BOC: variants seen among roughly 807,000 people sequenced by gnomAD.
The protein encoded by BOC is BOC cell adhesion associated, oncogene regulated.
In BOC, 76 loss-of-function variants were observed where a neutral mutation model predicts 112.0. The observed-to-expected ratio is 0.68, with a 90% CI of 0.56 to 0.82. BOC has a LOEUF of 0.82. BOC is among the 40% of genes least tolerant of loss of function. BOC has a pLI of 0.00. For missense variants in BOC, 1,309 were observed against 1,511.7 expected, an observed-to-expected ratio of 0.87 and a Z score of 2.22; for synonymous variants, 580 against 599.8, an observed-to-expected ratio of 0.97 and a Z score of 0.48.
chr3:113,238,621 G>GA (rs1418407139), intron 2 of BOC, among the ~76,000 whole-genome samples: 7 of 152,168 alleles, frequency 4.6e-5, no homozygotes, highest in African/African-American at 1.4e-4. Context: ...ATAATTTACA[G>GA]AAAGCAGCAT....
At chr3:113,268,896 AT>A (rs1194981084) in intron 5 of BOC, among the ~76,000 whole-genome samples, 6 of 152,202 alleles carry the variant, frequency 3.9e-5, no homozygotes, top group African/African-American at 1.4e-4. Flanking sequence ...ATGCTTGGTC[AT>A]GTGTTCTTTC....
Position 113,286,771 on chromosome 3 carries a change from T to C in BOC, c.3257T>C (p.Val1086Ala). Reference sequence around the variant, plus strand: ...GGAGACTGGTGTCCCCAGCACCCCGTAGGGGCCTACGTAGGACAGGAACCT... The same window carrying C: ...GGAGACTGGTGTCCCCAGCACCCCGCAGGGGCCTACGTAGGACAGGAACCT... The part of the protein sequence containing the change: ...SGGDWCPQHP[V>A]GAYVGQEPGM... The change falls in exon 20 of 20, where the codon GTA becomes GCA. Residue 1086 changes from valine (V) to alanine (A), a missense_variant. By Grantham distance (64) the Val-to-Ala change is moderately conservative (BLOSUM62 0). Transcript: ENST00000682979. 2.5e-6 allele frequency: 4 copies of C among 1,613,822 alleles called. No individual in the cohort carries two copies. The highest frequency in any genetic ancestry group is 2.2e-5 in the East Asian group (1 of 44,844).
At chr3:113,239,017 C>T (rs1318320024) in intron 2 of BOC, among the ~76,000 whole-genome samples, 1 of 152,152 alleles carries the variant, frequency 6.6e-6, no homozygotes, top group Non-Finnish European at 1.5e-5. Context: ...AGCCACTAGC[C>T]CATGTGGCTG....
chr3:113,276,267 C>T (rs979802007), intron 9 of BOC, among the ~76,000 whole-genome samples: 6 of 152,222 alleles, frequency 3.9e-5, no homozygotes, highest in South Asian at 2.1e-4. Context: ...AAGGCCATGC[C>T]GTGGTGATCC....
intron 2 of BOC, among the ~76,000 whole-genome samples, chr3:113,223,489 C>T (rs563176910): frequency 1.6e-4 from 24 of 152,284 alleles, no homozygotes; most frequent in Admixed American, 1.0e-3. Flanking sequence ...AGGGTTCACT[C>T]TTTGTGTTGT....
chr3:113,220,629 G>A (rs533560214), intron 2 of BOC, among the ~76,000 whole-genome samples: 43 of 152,302 alleles, frequency 2.8e-4, no homozygotes, highest in African/African-American at 1.0e-3. Context: ...AGAGGTTAGA[G>A]TCTGGGGACA....
intron 4 of BOC, among the ~76,000 whole-genome samples, chr3:113,253,538 CT>C (rs35612743): frequency 4.1e-4 from 62 of 151,002 alleles, no homozygotes; most frequent in Admixed American, 4.1e-3. Context: ...TGAGATGTGG[CT>C]TTTTTGGAGA....
chr3:113,232,562 AGTGTGTGTGTGT>A (rs10696107), intron 2 of BOC, among the ~76,000 whole-genome samples: 7 of 149,330 alleles, frequency 4.7e-5, no homozygotes, highest in Non-Finnish European at 6.0e-5. Context: ...TTGCTGTGCG[AGTGTGTGTGTGT>A]GTGTGTGTGT....
At chr3:113,272,337 C>T in intron 6 of BOC, 73 bp from the exon 7 acceptor site, 1 of 1,521,736 alleles carries the variant, frequency 6.6e-7, no homozygotes, top group Non-Finnish European at 9.0e-7. Flanking sequence ...CTCTCTGGGA[C>T]TGCCTCCTGG....
chr3:113,212,472 T>A (rs1265845905), intron 1 of BOC: 4 of 152,158 alleles, frequency 2.6e-5, no homozygotes, highest in African/African-American at 9.7e-5. Context: ...ACCCGAGGCG[T>A]GGCGGCAAAT....
intron 15 of BOC, among the ~76,000 whole-genome samples, chr3:113,281,416 C>T (rs564593084): frequency 8.3e-4 from 127 of 152,330 alleles, no homozygotes; most frequent in Non-Finnish European, 1.3e-3. Context: ...AAGTTGGGAA[C>T]TTCCTATAAA....
intron 18 of BOC, 23 bp from the exon 19 acceptor site, chr3:113,285,349 C>T: frequency 6.2e-7 from 1 of 1,610,884 alleles, no homozygotes; most frequent in South Asian, 1.1e-5. Context: ...CCCCACCTCC[C>T]CATCTGGGCT....
At position 113,273,263 on chromosome 3, in the gene BOC, G is replaced by A. The variant is rs754897087; in HGVS notation, c.1156G>A (p.Glu386Lys). ...CGTGCTCAGCATGGGGCCTGAGGAC[G>A]AAGGCGTCTACCAGTGCATGGCCGA... is the stretch of plus-strand genomic sequence containing the variant. Reference protein sequence around the residue: ...LRVLSMGPEDEGVYQCMAENE... With the variant: ...LRVLSMGPEDKGVYQCMAENE... The change falls in exon 8 of 20, where the codon GAA becomes AAA. Residue 386 changes from glutamate to lysine, a missense_variant. Physicochemically the swap from Glu to Lys is moderately conservative, Grantham distance 56 (BLOSUM62 1). Coordinates refer to ENST00000682979, the MANE Select transcript of BOC (RefSeq NM_001378074.1). 23 of 1,612,894 alleles carry A rather than the reference G, an allele frequency of 1.4e-5. No individual in the cohort carries two copies. The highest frequency in any genetic ancestry group is 1.5e-5 in the Non-Finnish European group (18 of 1,179,706).
In BOC at chr3:113,249,907, C is replaced by T; in HGVS notation, c.97+8C>T. 1 of 1,608,898 alleles carries T rather than the reference C, an allele frequency of 6.2e-7. No individual in the cohort carries two copies. The highest frequency in any genetic ancestry group is 8.5e-7 in the Non-Finnish European group (1 of 1,176,052). On this transcript the variant is annotated splice_region_variant and intron_variant, in intron 3 of 19. Coordinates refer to ENST00000682979, the MANE Select transcript of BOC (RefSeq NM_001378074.1). ...GCTGCTTTGCTGACTTGAGTGAGTGCTTTCCTTCCCTTTCCCTGCCCTTAC... is the reference window on the plus strand; with the variant it reads ...GCTGCTTTGCTGACTTGAGTGAGTGTTTTCCTTCCCTTTCCCTGCCCTTAC...
intron 2 of BOC, among the ~76,000 whole-genome samples, chr3:113,247,849 T>C (rs999005453): frequency 6.6e-6 from 1 of 152,236 alleles, no homozygotes; most frequent in Admixed American, 6.5e-5. Context: ...TTTACTGGAT[T>C]GTTTGAAAAA....
intron 2 of BOC, among the ~76,000 whole-genome samples, chr3:113,226,489 G>C (rs967554684): frequency 3.3e-5 from 5 of 152,196 alleles, no homozygotes; most frequent in African/African-American, 4.8e-5. Context: ...CATTGGAATG[G>C]GGAGACCCCT....
Position 113,249,776 on chromosome 3 carries a change from G to A in BOC, c.-27G>A, listed in dbSNP as rs745927380. The A allele has an allele frequency of 5.7e-5, 91 of 1,590,182 alleles. No individual in the cohort carries two copies. Among genetic ancestry groups the A allele is most frequent in the Admixed American group, 7.4e-5 (4 of 54,372 alleles). Reference sequence around the variant, plus strand: ...GTGTGACCCTGGCGGCTTATGGGACGTTGGCTTCAGACCTTTGTGATACAC... The same window carrying A: ...GTGTGACCCTGGCGGCTTATGGGACATTGGCTTCAGACCTTTGTGATACAC... On this transcript the variant is annotated 5_prime_UTR_variant, in exon 3 of 20. Coordinates refer to ENST00000682979, the MANE Select transcript of BOC (RefSeq NM_001378074.1).
intron 2 of BOC, among the ~76,000 whole-genome samples, chr3:113,248,551 C>T (rs1335205448): frequency 5.3e-5 from 8 of 152,140 alleles, no homozygotes; most frequent in East Asian, 1.9e-4. Context: ...CAACGTTATC[C>T]GAACTCATTT....
rs144837816 is a variant in BOC, at chr3:113,285,708, C to T, written c.3160+143C>T. ...CATTTATGTGGGAGGGATGGGGCAT[C>T]GAGGGTGGCTGGCCACTTTCCTTCA... is the stretch of plus-strand genomic sequence containing the variant. On this transcript the variant is annotated intron_variant, in intron 19 of 19. Transcript: ENST00000682979. 4.5e-5 allele frequency: 39 copies of T among 870,472 alleles called. No homozygotes were observed. The African/African-American group carries it at 5.0e-4, about 11-fold the overall frequency. The allele number at this position is 870,472 out of a possible 1,614,324, so 53.9% of individuals were successfully genotyped here. A position where few individuals can be genotyped will look rare whatever the true frequency, so the allele number is the denominator to read the frequency against.
Sources: allele counts gnomAD v4.1 joint callset (sites outside exome capture counted in the v4.1 genomes callset), GRCh38; gene constraint gnomAD v4.1.1; transcripts MANE v1.5; gene names NCBI Gene and HGNC (gene_info 2026-07-23, HGNC 2026-07-21).